Variants in ALDH3A2 observed in about 807,000 individuals in gnomAD.
The protein encoded by ALDH3A2 is aldehyde dehydrogenase family 3 member A2.
Under a neutral mutation model 51.3 loss-of-function variants are expected in ALDH3A2, and 36 were observed. The observed-to-expected ratio is 0.70, with a 90% confidence interval of 0.54 to 0.93. The LOEUF (loss-of-function observed/expected upper bound fraction) is 0.93. Ranked by LOEUF, ALDH3A2 falls within the 40% of genes least tolerant of loss-of-function variation. ALDH3A2 has a pLI of 0.00. For synonymous variants in ALDH3A2, 199 were observed against 219.8 expected (o/e 0.91, Z 0.84); for missense variants, 552 against 603.1 (o/e 0.92, Z 0.89).
At chr17:19,670,591 C>G (rs1348613071) in intron 8 of ALDH3A2, among the ~76,000 whole-genome samples, 1 of 145,868 alleles carries the variant, frequency 6.9e-6, no homozygotes, top group South Asian at 2.1e-4. Flanking sequence ...GAGACGGAGT[C>G]TCGCTCTGTC....
intron 5 of ALDH3A2, among the ~76,000 whole-genome samples, chr17:19,658,652 T>G (rs1163500487): frequency 1.3e-5 from 2 of 151,346 alleles, no homozygotes; most frequent in African/African-American, 4.9e-5. Flanking sequence ...GCTTGAACCC[T>G]GGCAAGAATC....
intron 2 of ALDH3A2, among the ~76,000 whole-genome samples, 185 bp from the exon 3 acceptor site, chr17:19,652,361 AC>A (rs2084827425): frequency 6.6e-6 from 1 of 152,208 alleles, no homozygotes; most frequent in South Asian, 2.1e-4. Context: ...GAAGATGAGG[AC>A]AGCTAAGGAG....
At chr17:19,664,774 G>T (rs990148770) in intron 7 of ALDH3A2, among the ~76,000 whole-genome samples, 174 bp from the exon 8 acceptor site, 3 of 152,142 alleles carry the variant, frequency 2.0e-5, no homozygotes, top group African/African-American at 7.2e-5. Flanking sequence ...AACCAGTTGA[G>T]ATTGTTTGTC....
Position 19,651,651 on chromosome 17 carries a change from G to C in ALDH3A2, c.258G>C (p.Lys86Asn). 6.2e-7 allele frequency: 1 copy of C among 1,614,232 alleles called. No homozygotes were observed. The highest frequency in any genetic ancestry group is 8.5e-7 in the Non-Finnish European group (1 of 1,180,032). ...GGGTTACTGCTAAACCAGTTAAGAAGAACGTGCTCACCATGCTGGATGAGG... is the reference window on the plus strand; with the variant it reads ...GGGTTACTGCTAAACCAGTTAAGAACAACGTGCTCACCATGCTGGATGAGG... Reference protein sequence around the residue: ...PEWVTAKPVKKNVLTMLDEAY... With the variant: ...PEWVTAKPVKNNVLTMLDEAY... The change falls in exon 2 of 10, where the codon AAG becomes AAC. Residue 86 changes from lysine to asparagine, a missense_variant. Transcript: ENST00000176643.
intron 8 of ALDH3A2, among the ~76,000 whole-genome samples, chr17:19,668,049 G>A (rs1477137156): frequency 6.6e-6 from 1 of 151,936 alleles, no homozygotes; most frequent in Admixed American, 6.6e-5. Flanking sequence ...GTACTCCTTT[G>A]ATTATTAGTG....
At chr17:19,668,413 A>G (rs1242827255) in intron 8 of ALDH3A2, among the ~76,000 whole-genome samples, 1 of 151,602 alleles carries the variant, frequency 6.6e-6, no homozygotes, top group Non-Finnish European at 1.5e-5. Flanking sequence ...ACTCCTACCT[A>G]ATTTTTGTAG....
chr17:19,658,518 A>C (rs113910896), intron 5 of ALDH3A2, among the ~76,000 whole-genome samples: 1 of 151,908 alleles, frequency 6.6e-6, no homozygotes, highest in Non-Finnish European at 1.5e-5. Flanking sequence ...TGAGGTCAGA[A>C]GTTCAAGACC....
At position 19,663,463 on chromosome 17, in the gene ALDH3A2, G is replaced by T. The variant is rs775055811; in HGVS notation, c.1071G>T (p.Lys357Asn). The T allele has an allele frequency of 3.1e-6, 5 of 1,614,144 alleles. No individual in the cohort carries two copies. The highest frequency in any genetic ancestry group is 4.2e-6 in the Non-Finnish European group (5 of 1,180,018). ...TAAATTTCATAAATGAACGTGAAAA[G>T]CCTCTGGCTCTTTATGTATTTTCGC... ...EAINFINERE[K>N]PLALYVFSHN... Residue 357 changes from lysine to asparagine, a missense_variant, in exon 7 of 10, where the codon AAG becomes AAT. Lys to Asn is a moderately conservative substitution (Grantham distance 94, BLOSUM62 0). Transcript: ENST00000176643.
At position 19,649,032 on chromosome 17, in the gene ALDH3A2, C is replaced by G; in HGVS notation, c.61C>G (p.Arg21Gly). 1 of 1,583,156 alleles carries G rather than the reference C, an allele frequency of 6.3e-7. No individual in the cohort carries two copies. Among genetic ancestry groups the G allele is most frequent in the South Asian group, 1.2e-5 (1 of 86,750 alleles). The change falls in exon 1 of 10, where the codon CGG becomes GGG. Residue 21 changes from arginine to glycine, a missense_variant. By Grantham distance (125) the Arg-to-Gly change is moderately radical (BLOSUM62 -2). Transcript: ENST00000176643. ...AFLSGRSRPL[R>G]FRLQQLEALR... ...CCTGTCCGGCCGGTCGCGACCTCTGCGGTTTCGGCTGCAGCAGCTGGAGGC... is the reference window on the plus strand; with the variant it reads ...CCTGTCCGGCCGGTCGCGACCTCTGGGGTTTCGGCTGCAGCAGCTGGAGGC...
chr17:19,653,242 A>C (rs911325749), intron 3 of ALDH3A2, among the ~76,000 whole-genome samples: 2 of 151,582 alleles, frequency 1.3e-5, no homozygotes, highest in African/African-American at 4.9e-5. Context: ...ATGGGGTTTC[A>C]CCGTGTTGGT....
At position 19,656,442 on chromosome 17, in the gene ALDH3A2, A is replaced by G; in HGVS notation, c.548A>G (p.Tyr183Cys). 1 of 1,614,208 alleles carries G rather than the reference A, an allele frequency of 6.2e-7. No individual in the cohort carries two copies. The highest frequency in any genetic ancestry group is 8.5e-7 in the Non-Finnish European group (1 of 1,180,038). Residue 183 changes from tyrosine (Y) to cysteine (C), a missense_variant, in exon 4 of 10, where the codon TAT (tyrosine) becomes TGT (cysteine). Coordinates refer to ENST00000176643, the MANE Select transcript of ALDH3A2 (RefSeq NM_000382.3). ...LLKQRFDHIF[Y>C]TGNTAVGKIV... ...AAGCAGCGATTTGACCACATTTTCT[A>G]TACGGGAAACACTGCGGTTGGCAAA...
Position 19,651,527 on chromosome 17 carries a change from C to G in ALDH3A2, c.154-20C>G, listed in dbSNP as rs768443926. 6.3e-7 allele frequency: 1 copy of G among 1,581,668 alleles called. No individual in the cohort carries two copies. Among genetic ancestry groups the G allele is most frequent in the Non-Finnish European group, 8.7e-7 (1 of 1,150,640 alleles). ...TATCATACTTACTCTGCAAGATTAA[C>G]TGTGATTCTCTTATAACAGAGTGAA... On this transcript the variant is annotated intron_variant, in intron 1 of 9. Coordinates refer to ENST00000176643, the MANE Select transcript of ALDH3A2 (RefSeq NM_000382.3).
intron 1 of ALDH3A2, chr17:19,649,397 A>C: frequency 2.1e-6 from 1 of 484,990 alleles, no homozygotes; most frequent in Non-Finnish European, 3.7e-6. Context: ...TCTTTTCCTT[A>C]TGATGTGTAG....
chr17:19,666,814 TAAAA>T (rs1003651826), intron 8 of ALDH3A2, among the ~76,000 whole-genome samples: 4 of 132,702 alleles, frequency 3.0e-5, no homozygotes, highest in East Asian at 2.4e-4. Context: ...AATAAATAAA[TAAAA>T]ATAATAAAAT....
chr17:19,650,401 C>G (rs558410663), intron 1 of ALDH3A2, among the ~76,000 whole-genome samples: 1 of 152,086 alleles, frequency 6.6e-6, no homozygotes, highest in Non-Finnish European at 1.5e-5. Flanking sequence ...CCTGCCCCAA[C>G]CTCCCAGATA....
At position 19,654,677 on chromosome 17, in the gene ALDH3A2, C is replaced by T. The variant is rs550953653; in HGVS notation, c.472-1689C>T. Among the ~76,000 whole-genome samples the T allele has an allele frequency of 6.6e-5, 10 of 152,150 alleles. No individual in the cohort carries two copies. Among genetic ancestry groups the T allele is most frequent in the Admixed American group, 3.3e-4 (5 of 15,292 alleles). On this transcript the variant is annotated intron_variant, in intron 3 of 9. Coordinates refer to ENST00000176643, the MANE Select transcript of ALDH3A2 (RefSeq NM_000382.3). The surrounding 1 kb of genome is among the most constrained non-coding windows in gnomAD (Gnocchi z 4.5). ...GGCTTGTGAGCGCCACGCGCAGCCC[C>T]GGTTCCTGCCTGCGCCTCTCCCTCC...
At chr17:19,673,333 C>G (rs2085144260) in intron 9 of ALDH3A2, 1 of 1,557,282 alleles carries the variant, frequency 6.4e-7, no homozygotes, top group East Asian at 2.3e-5. Context: ...GGTATGTTTT[C>G]AAGGGTTTTT....
At chr17:19,661,812 C>T (rs2084969635) in intron 6 of ALDH3A2, among the ~76,000 whole-genome samples, 2 of 151,412 alleles carry the variant, frequency 1.3e-5, no homozygotes, top group East Asian at 1.9e-4. Context: ...AAAGAAGCTG[C>T]ACCACCTAGC....
rs777329557 is a variant in ALDH3A2 at position 19,671,766 on chromosome 17, C to G, written c.1253C>G (p.Thr418Ser). Reference sequence around the variant, plus strand: ...TATCACGGAAAACATAGTTTTGATACTTTTTCTCATCAGCGTCCCTGTTTA... The same window carrying G: ...TATCACGGAAAACATAGTTTTGATAGTTTTTCTCATCAGCGTCCCTGTTTA... Reference protein sequence around the residue: ...GAYHGKHSFDTFSHQRPCLLK... With the variant: ...GAYHGKHSFDSFSHQRPCLLK... Residue 418 changes from threonine (T) to serine (S), a missense_variant, in exon 9 of 10, where the codon ACT becomes AGT. Coordinates refer to ENST00000176643, the MANE Select transcript of ALDH3A2 (RefSeq NM_000382.3). 6.2e-7 allele frequency: 1 copy of G among 1,614,154 alleles called. No homozygotes were observed. Among genetic ancestry groups the G allele is most frequent in the Non-Finnish European group, 8.5e-7 (1 of 1,180,012 alleles).
Sources: allele counts gnomAD v4.1 joint callset (sites outside exome capture counted in the v4.1 genomes callset), GRCh38; gene constraint gnomAD v4.1.1; non-coding constraint Gnocchi (gnomAD v3.1); transcripts MANE v1.5; gene names NCBI Gene and HGNC (gene_info 2026-07-23, HGNC 2026-07-21).